Variants in PRKCA observed in about 807,000 individuals in gnomAD.
The protein encoded by PRKCA is protein kinase C alpha, also known as protein kinase C alpha type.
PRKCA carries 27 observed loss-of-function variants against 87.0 expected under a neutral mutation model. That is an observed-to-expected ratio of 0.31 (90% CI 0.23 to 0.43). The LOEUF (loss-of-function observed/expected upper bound fraction) is 0.43, where lower values mean the gene tolerates loss of function less well. Among genes scored for constraint, PRKCA ranks in the 20% least tolerant of loss-of-function variants. The pLI, the probability that PRKCA is intolerant of heterozygous loss-of-function variation, is 1.00. For missense variants in PRKCA, 518 were observed against 852.3 expected, an observed-to-expected ratio of 0.61 and a Z score of 4.88; for synonymous variants, 329 against 311.1, an observed-to-expected ratio of 1.06 and a Z score of -0.61.
chr17:66,607,517 A>C (rs773796472), intron 3 of PRKCA, among the ~76,000 whole-genome samples: 2 of 152,252 alleles, frequency 1.3e-5, no homozygotes, highest in Non-Finnish European at 2.9e-5. Flanking sequence ...GGTCCAGTTT[A>C]GAAAATACCA....
chr17:66,623,515 G>A (rs1444468485), intron 3 of PRKCA, among the ~76,000 whole-genome samples: 1 of 152,198 alleles, frequency 6.6e-6, no homozygotes, highest in Non-Finnish European at 1.5e-5. Flanking sequence ...ATCTCCAAGA[G>A]TGTGCCGTGC....
intron 3 of PRKCA, among the ~76,000 whole-genome samples, chr17:66,540,579 C>T (rs183052966): frequency 6.6e-6 from 1 of 152,294 alleles, no homozygotes; most frequent in African/African-American, 2.4e-5. Flanking sequence ...GGCCTCCCAG[C>T]GGGGCCCTGC....
At chr17:66,586,398 G>A (rs891712656) in intron 3 of PRKCA, among the ~76,000 whole-genome samples, 43 of 152,282 alleles carry the variant, frequency 2.8e-4, no homozygotes, top group African/African-American at 8.4e-4. Context: ...CAGAATTAGC[G>A]TGACTTTCTG....
chr17:66,789,103 G>A, intron 16 of PRKCA, 124 bp downstream of exon 16: 6 of 1,243,108 alleles, frequency 4.8e-6, no homozygotes, highest in Non-Finnish European at 6.7e-6. Flanking sequence ...TGAGGAAACG[G>A]GCCAGGTTTC....
intron 2 of PRKCA, among the ~76,000 whole-genome samples, chr17:66,428,192 G>T (rs1182996046): frequency 6.6e-6 from 1 of 152,224 alleles, no homozygotes; most frequent in East Asian, 1.9e-4. Context: ...AGGCACTGCT[G>T]TGCCAGAGTC....
intron 9 of PRKCA, among the ~76,000 whole-genome samples, chr17:66,733,973 T>C (rs562523060): frequency 2.1e-4 from 32 of 152,362 alleles, no homozygotes; most frequent in African/African-American, 7.7e-4. Flanking sequence ...CAAGTCATAG[T>C]GATCTGAGTT....
intron 3 of PRKCA, among the ~76,000 whole-genome samples, chr17:66,633,938 G>T (rs1971087152): frequency 6.6e-6 from 1 of 152,204 alleles, no homozygotes; most frequent in Non-Finnish European, 1.5e-5. Context: ...ATGACTTCCA[G>T]GTGGCTGTAG....
At chr17:66,539,711 A>G (rs1967915661) in intron 3 of PRKCA, among the ~76,000 whole-genome samples, 1 of 152,160 alleles carries the variant, frequency 6.6e-6, no homozygotes, top group Admixed American at 6.5e-5. Context: ...CTAAGGTTTC[A>G]ATCTTAATAA....
intron 13 of PRKCA, among the ~76,000 whole-genome samples, chr17:66,752,110 G>A (rs1750134310): frequency 6.6e-6 from 1 of 152,120 alleles, no homozygotes; most frequent in Non-Finnish European, 1.5e-5. Context: ...AAGAACTTGG[G>A]GTGACATCTG....
chr17:66,534,151 C>T (rs570809192), intron 3 of PRKCA, among the ~76,000 whole-genome samples: 19 of 150,868 alleles, frequency 1.3e-4, no homozygotes, highest in African/African-American at 3.9e-4. Context: ...AAGCTGACCA[C>T]GATTCTTTGT....
In PRKCA at chr17:66,566,479, G is replaced by GTTTTTTT. The variant is rs368602635; in HGVS notation, c.288+70196_288+70197insTTTTTTT. Among the ~76,000 whole-genome samples, 401 of 74,398 alleles carry GTTTTTTT rather than the reference G, an allele frequency of 5.4e-3. 9 individuals are homozygous for GTTTTTTT. Among genetic ancestry groups the GTTTTTTT allele is most frequent in the African/African-American group, 0.013 (272 of 21,262 alleles). 48.8% of individuals were successfully genotyped at this position (74,398 alleles called of 152,430 possible). A position where few individuals can be genotyped will look rare whatever the true frequency, so the allele number is the denominator to read the frequency against. ...TTGTGAAGAACTGTTGTTGTTTTTT[G>GTTTTTTT]GTTTTTTTTTTTTTTTTTTTTTTGC... is the stretch of plus-strand genomic sequence containing the variant. On this transcript the variant is annotated intron_variant, in intron 3 of 16. Transcript: ENST00000413366.
chr17:66,700,725 G>A (rs1973039188), intron 8 of PRKCA, among the ~76,000 whole-genome samples: 1 of 152,130 alleles, frequency 6.6e-6, no homozygotes, highest in African/African-American at 2.4e-5. Context: ...AAATACTTAA[G>A]AATAAATTTA....
In PRKCA at chr17:66,406,172, A is replaced by T. The variant is rs1015405369; in HGVS notation, c.206-90029A>T. 8.5e-5 allele frequency among the ~76,000 whole-genome samples: 13 copies of T among 152,212 alleles called. No homozygotes were observed. The South Asian group carries it at 2.5e-3, about 29-fold the overall frequency. On this transcript the variant is annotated intron_variant, in intron 2 of 16. Coordinates refer to ENST00000413366, the MANE Select transcript of PRKCA (RefSeq NM_002737.3). ...ATGTCTAGGAAGACGGGATAACAGA[A>T]ATTTGCCTCTGGGTTTCAGTACATT...
chr17:66,539,524 C>T (rs961039490), intron 3 of PRKCA, among the ~76,000 whole-genome samples: 1 of 151,972 alleles, frequency 6.6e-6, no homozygotes, highest in African/African-American at 2.4e-5. Flanking sequence ...CTGCCTCAGC[C>T]TCCTGAGTAG....
At chr17:66,714,869 T>C (rs1196987623) in intron 8 of PRKCA, among the ~76,000 whole-genome samples, 1 of 152,186 alleles carries the variant, frequency 6.6e-6, no homozygotes, top group Non-Finnish European at 1.5e-5. Flanking sequence ...CCCAGAACAG[T>C]GCAGCTGCTG....
intron 3 of PRKCA, among the ~76,000 whole-genome samples, chr17:66,513,558 C>G (rs192995490): frequency 5.3e-5 from 8 of 152,274 alleles, no homozygotes; most frequent in Admixed American, 1.3e-4. Flanking sequence ...TAATTTGTAT[C>G]TAATAGGATC....
intron 5 of PRKCA, among the ~76,000 whole-genome samples, chr17:66,682,017 C>T (rs925993107): frequency 1.3e-5 from 2 of 152,206 alleles, no homozygotes; most frequent in African/African-American, 4.8e-5. Flanking sequence ...GCACCTGTGG[C>T]TTAGATTCTC....
intron 2 of PRKCA, among the ~76,000 whole-genome samples, chr17:66,492,239 T>C (rs1377315159): frequency 1.3e-5 from 2 of 152,020 alleles, no homozygotes; most frequent in Non-Finnish European, 2.9e-5. Flanking sequence ...TTAAGGCAGG[T>C]TGGGAGGAAA....
At chr17:66,326,652 T>C (rs1208110252) in intron 2 of PRKCA, among the ~76,000 whole-genome samples, 1 of 152,182 alleles carries the variant, frequency 6.6e-6, no homozygotes, top group Non-Finnish European at 1.5e-5. Flanking sequence ...TGTTCATCCT[T>C]TTGAGCTGTC....
Sources: gnomAD v4.1 joint callset for allele counts (sites outside exome capture counted in the v4.1 genomes callset) on GRCh38, gnomAD v4.1.1 for gene constraint, MANE v1.5 for transcripts, NCBI Gene and HGNC (gene_info 2026-07-23, HGNC 2026-07-21) for gene names.